CALN1: variants seen among roughly 807,000 people sequenced by gnomAD.
CALN1 encodes the protein calcium-binding protein 8.
In CALN1, 17 loss-of-function variants were observed where a neutral mutation model predicts 30.6. That is an observed-to-expected ratio of 0.56 (90% CI 0.38 to 0.83). CALN1 has a LOEUF of 0.83. Among genes scored for constraint, CALN1 ranks in the 40% least tolerant of loss-of-function variants. The pLI is 0.00. For synonymous variants in CALN1, 156 were observed against 131.4 expected, an observed-to-expected ratio of 1.19 and a Z score of -1.28; for missense variants, 291 against 354.9, an observed-to-expected ratio of 0.82 and a Z score of 1.45.
intron 1 of CALN1, among the ~76,000 whole-genome samples, chr7:72,445,358 A>G (rs1808497060): frequency 6.6e-6 from 1 of 152,074 alleles, no homozygotes; most frequent in South Asian, 2.1e-4. Context: ...CCGGCTAACC[A>G]TGGCCTCAGT....
At chr7:72,009,970 C>A (rs1439187042) in intron 5 of CALN1, among the ~76,000 whole-genome samples, 2 of 152,152 alleles carry the variant, frequency 1.3e-5, no homozygotes, top group Admixed American at 1.3e-4. Context: ...TCAACTATCA[C>A]CCTTACTGTT....
chr7:72,176,737 T>A (rs375386520), intron 3 of CALN1, among the ~76,000 whole-genome samples: 1 of 152,132 alleles, frequency 6.6e-6, no homozygotes, highest in Admixed American at 6.5e-5. Context: ...TACTACAGCA[T>A]AGGAAAGCCC....
intron 5 of CALN1, among the ~76,000 whole-genome samples, chr7:71,865,145 A>G (rs773985759): frequency 3.9e-5 from 6 of 152,336 alleles, no homozygotes; most frequent in Middle Eastern, 3.4e-3. Flanking sequence ...TACCTGCCCA[A>G]TTCTCACGGT....
At chr7:72,239,049 G>A (rs943596851) in intron 3 of CALN1, among the ~76,000 whole-genome samples, 13 of 152,260 alleles carry the variant, frequency 8.5e-5, no homozygotes, top group African/African-American at 3.1e-4. Flanking sequence ...TTTACAGCCA[G>A]TAAGATGTTG....
At chr7:72,349,544 AAAGAG>A (rs1222893075) in intron 2 of CALN1, among the ~76,000 whole-genome samples, 2 of 152,202 alleles carry the variant, frequency 1.3e-5, no homozygotes, top group Admixed American at 6.5e-5. Flanking sequence ...GCAGGAGAAC[AAAGAG>A]AAGATGTAAT....
chr7:71,872,703 TC>T (rs891274454), intron 5 of CALN1, among the ~76,000 whole-genome samples: 13 of 151,776 alleles, frequency 8.6e-5, no homozygotes, highest in African/African-American at 2.9e-4. Context: ...AACCTCTGCC[TC>T]CCGGGTTCAA....
rs1429343380 is a variant in CALN1 at position 72,175,209 on chromosome 7, G to A, written c.245-68915C>T. Among the ~76,000 whole-genome samples, 4 of 151,970 alleles carry A rather than the reference G, an allele frequency of 2.6e-5. 1 individual carries two copies. The highest frequency in any genetic ancestry group is 5.9e-5 in the Non-Finnish European group (4 of 67,992). ...CTGCCTCAGCCTCCCGAGTAGCTGAGACTACAGGCGCCCGCCACCACACCC... is the reference window on the plus strand; with the variant it reads ...CTGCCTCAGCCTCCCGAGTAGCTGAAACTACAGGCGCCCGCCACCACACCC... On this transcript the variant is annotated intron_variant, in intron 3 of 6. Transcript: ENST00000395275.
chr7:72,256,443 A>G (rs1193891860), intron 3 of CALN1, among the ~76,000 whole-genome samples: 1 of 152,084 alleles, frequency 6.6e-6, no homozygotes, highest in East Asian at 1.9e-4. Flanking sequence ...CTGGGTGAAG[A>G]GCAAGACCCC....
chr7:71,795,474 T>C (rs920497110), intron 6 of CALN1, among the ~76,000 whole-genome samples: 4 of 152,234 alleles, frequency 2.6e-5, no homozygotes, highest in Non-Finnish European at 5.9e-5. Context: ...AATTAAGATA[T>C]AGTTCACATA....
At chr7:72,411,812 AAAG>A (rs1285777257) in intron 1 of CALN1, among the ~76,000 whole-genome samples, 2 of 152,246 alleles carry the variant, frequency 1.3e-5, no homozygotes, top group Admixed American at 1.3e-4. Context: ...AGTAATAAGA[AAAG>A]AACCAAACAA....
At chr7:72,229,465 A>T (rs955289269) in intron 3 of CALN1, among the ~76,000 whole-genome samples, 3 of 152,070 alleles carry the variant, frequency 2.0e-5, no homozygotes, top group Admixed American at 1.3e-4. Flanking sequence ...TCATTCTACT[A>T]TAAAGACACA....
intron 2 of CALN1, among the ~76,000 whole-genome samples, chr7:72,386,435 T>C (rs1805213119): frequency 6.6e-6 from 1 of 152,340 alleles, no homozygotes; most frequent in African/African-American, 2.4e-5. Flanking sequence ...TTTTAGTTGA[T>C]AAGGTTGTCT....
intron 3 of CALN1, among the ~76,000 whole-genome samples, chr7:72,174,055 T>C (rs1222511780): frequency 6.6e-6 from 1 of 151,878 alleles, no homozygotes; most frequent in Non-Finnish European, 1.5e-5. Flanking sequence ...AACTTATATC[T>C]AGTATATATA....
At chr7:72,325,865 G>A (rs938643883) in intron 2 of CALN1, among the ~76,000 whole-genome samples, 2 of 152,056 alleles carry the variant, frequency 1.3e-5, no homozygotes, top group Non-Finnish European at 2.9e-5. Context: ...CCTCTCTGCC[G>A]CTTGACATCT....
intron 2 of CALN1, among the ~76,000 whole-genome samples, chr7:72,323,203 C>T (rs1801016666): frequency 6.6e-6 from 1 of 151,962 alleles, no homozygotes. Context: ...GTGAGTCTGT[C>T]TTGTTCTGAG....
At chr7:71,899,674 T>C (rs779172218) in intron 5 of CALN1, among the ~76,000 whole-genome samples, 5 of 152,178 alleles carry the variant, frequency 3.3e-5, no homozygotes, top group Non-Finnish European at 7.3e-5. Flanking sequence ...AAAGTTCATA[T>C]GAACAAATAA....
intron 5 of CALN1, among the ~76,000 whole-genome samples, chr7:71,979,869 CTTTTTTTT>C (rs555621436): frequency 4.3e-4 from 39 of 89,682 alleles, no homozygotes; most frequent in African/African-American, 1.6e-3. Context: ...CATCAGGATT[CTTTTTTTT>C]TTTTTTTTTT....
At chr7:71,862,468 T>C (rs1445299507) in intron 5 of CALN1, among the ~76,000 whole-genome samples, 1 of 152,206 alleles carries the variant, frequency 6.6e-6, no homozygotes, top group African/African-American at 2.4e-5. Context: ...CACACCCTCT[T>C]GCCTGTTGCC....
upstream of CALN1, among the ~76,000 whole-genome samples, chr7:72,448,728 C>G (rs944637344): frequency 3.9e-5 from 6 of 152,076 alleles, no homozygotes; most frequent in South Asian, 8.3e-4. Context: ...GCCTCGGCCT[C>G]CCGAGTAGCT....
Sources: gnomAD v4.1 joint callset for allele counts (sites outside exome capture counted in the v4.1 genomes callset) on GRCh38, gnomAD v4.1.1 for gene constraint, MANE v1.5 for transcripts, NCBI Gene and HGNC (gene_info 2026-07-23, HGNC 2026-07-21) for gene names.